The following EPB41L4A variants were observed in gnomAD, a reference collection of about 807,000 sequenced individuals.
EPB41L4A encodes the protein band 4.1-like protein 4A.
EPB41L4A carries 100 observed loss-of-function variants against 108.6 expected under a neutral mutation model. That is an observed-to-expected ratio of 0.92 (90% CI 0.78 to 1.09). The LOEUF (loss-of-function observed/expected upper bound fraction) is 1.09. Among genes scored for constraint, EPB41L4A ranks in the 50% least tolerant of loss-of-function variants. The pLI is 0.00. For missense variants in EPB41L4A, 1,030 were observed against 842.7 expected (o/e 1.22, Z -2.75); for synonymous variants, 319 against 289.0 (o/e 1.10, Z -1.05).
At chr5:112,277,950 A>T (rs537083342) in intron 3 of EPB41L4A, among the ~76,000 whole-genome samples, 1 of 152,362 alleles carries the variant, frequency 6.6e-6, no homozygotes, top group African/African-American at 2.4e-5. Flanking sequence ...GTTTCACTTT[A>T]GCAAAAAATA....
At chr5:112,183,656 G>A (rs1560056) in intron 18 of EPB41L4A, among the ~76,000 whole-genome samples, 2,147 of 152,258 alleles carry the variant, frequency 0.014, 48 homozygotes, top group African/African-American at 0.049. Context: ...TCTGGAACAA[G>A]ACTTCAGAGA....
intron 2 of EPB41L4A, among the ~76,000 whole-genome samples, chr5:112,301,123 T>C (rs1754327040): frequency 6.6e-6 from 1 of 152,156 alleles, no homozygotes; most frequent in Admixed American, 6.6e-5. Context: ...GGTTTAATAA[T>C]CAATCTTCTA....
At chr5:112,144,439 C>G (rs1378481535) in intron 13 of EPB41L4A, among the ~76,000 whole-genome samples, 1 of 152,138 alleles carries the variant, frequency 6.6e-6, no homozygotes, top group Non-Finnish European at 1.5e-5. Context: ...GTGTGTGCCA[C>G]CACACTCAGC....
intron 12 of EPB41L4A, among the ~76,000 whole-genome samples, chr5:112,152,020 C>T (rs913299358): frequency 6.6e-6 from 1 of 152,198 alleles, no homozygotes; most frequent in Admixed American, 6.5e-5. Context: ...GCGTGAGCCA[C>T]CATTCCCAGC....
At position 112,169,093 on chromosome 5, in the gene EPB41L4A, G is replaced by A; in HGVS notation, c.1752C>T (p.Asp584=). 1 of 1,613,338 alleles carries A rather than the reference G, an allele frequency of 6.2e-7. No individual in the cohort carries two copies. The highest frequency in any genetic ancestry group is 8.5e-7 in the Non-Finnish European group (1 of 1,179,304). The change falls in exon 21 of 23, where the codon GAC becomes GAT. Residue 584 remains aspartate, a synonymous_variant. Coordinates refer to ENST00000261486, the MANE Select transcript of EPB41L4A (RefSeq NM_022140.5). ...AATGAGAATGCCTGATGCGGATTGG[G>A]TCACCTTGTGTCCTGAACAAGCAAC... ...IPYTKIETQG[D]PIRIRHSHSP...
At chr5:112,419,342 C>T, upstream of EPB41L4A, 2 of 332,122 alleles carry the variant, frequency 6.0e-6, no homozygotes, top group Non-Finnish European at 1.1e-5. Context: ...AAGGCGGGGG[C>T]GCGGGGCCCC....
intron 11 of EPB41L4A, among the ~76,000 whole-genome samples, chr5:112,237,148 G>A (rs1749399808): frequency 6.6e-6 from 1 of 152,156 alleles, no homozygotes; most frequent in African/African-American, 2.4e-5. Flanking sequence ...TTTGTAAGGG[G>A]CTCAGAGAAG....
intron 12 of EPB41L4A, among the ~76,000 whole-genome samples, chr5:112,156,738 A>AGATTGCATT (rs1759661299): frequency 6.6e-6 from 1 of 152,200 alleles, no homozygotes; most frequent in South Asian, 2.1e-4. Context: ...TCAGTTGATC[A>AGATTGCATT]CAGATCCAAT....
chr5:112,367,824 T>C (rs1031095887), intron 1 of EPB41L4A, among the ~76,000 whole-genome samples: 1 of 152,210 alleles, frequency 6.6e-6, no homozygotes, highest in Non-Finnish European at 1.5e-5. Flanking sequence ...CCTCAGTACC[T>C]GGCTGAACAA....
At chr5:112,304,553 T>C (rs1252734745) in intron 2 of EPB41L4A, among the ~76,000 whole-genome samples, 1 of 152,208 alleles carries the variant, frequency 6.6e-6, no homozygotes, top group African/African-American at 2.4e-5. Context: ...CACATTTATA[T>C]TTATTACTGC....
At chr5:112,294,713 A>C (rs1005784854) in intron 2 of EPB41L4A, among the ~76,000 whole-genome samples, 1 of 151,980 alleles carries the variant, frequency 6.6e-6, no homozygotes, top group African/African-American at 2.4e-5. Flanking sequence ...GGTACAGCTA[A>C]GGAGCTGCAG....
intron 17 of EPB41L4A, among the ~76,000 whole-genome samples, chr5:112,191,622 C>T (rs982673778): frequency 2.7e-5 from 4 of 150,448 alleles, no homozygotes; most frequent in African/African-American, 7.4e-5. Context: ...AAAAAGAAAA[C>T]AATATTTCCA....
At chr5:112,228,423 C>T (rs1256596349) in intron 12 of EPB41L4A, 2 of 152,292 alleles carry the variant, frequency 1.3e-5, no homozygotes, top group Non-Finnish European at 2.9e-5. Flanking sequence ...ACCCCTTATG[C>T]ACTCTGTTTG....
At chr5:112,178,232 G>T (rs565059765) in intron 18 of EPB41L4A, among the ~76,000 whole-genome samples, 1 of 152,158 alleles carries the variant, frequency 6.6e-6, no homozygotes, top group African/African-American at 2.4e-5. Flanking sequence ...CCAGAATAAA[G>T]GGTCATCAGT....
intron 9 of EPB41L4A, among the ~76,000 whole-genome samples, chr5:112,241,092 T>A (rs1749754572): frequency 6.6e-6 from 1 of 152,084 alleles, no homozygotes; most frequent in Admixed American, 6.6e-5. Context: ...AGTGAAATAC[T>A]ACAAAATCTC....
chr5:112,418,902 TGCC>T, intron 1 of EPB41L4A, 36 bp downstream of exon 1: 2 of 1,547,404 alleles, frequency 1.3e-6, no homozygotes, highest in Non-Finnish European at 1.8e-6. Context: ...GCACCCGCCC[TGCC>T]GCCAACCCCC....
chr5:112,308,052 A>G (rs1754807288), intron 1 of EPB41L4A, among the ~76,000 whole-genome samples: 3 of 152,214 alleles, frequency 2.0e-5, no homozygotes, highest in Non-Finnish European at 4.4e-5. Context: ...ACATAAGCAC[A>G]GACACAAAAC....
chr5:112,298,761 G>T (rs547741926), intron 2 of EPB41L4A, among the ~76,000 whole-genome samples: 4 of 152,228 alleles, frequency 2.6e-5, no homozygotes, highest in Admixed American at 1.3e-4. Context: ...AATTCAACTT[G>T]AATCCATCTG....
intron 12 of EPB41L4A, among the ~76,000 whole-genome samples, chr5:112,233,431 G>C (rs982693123): frequency 6.6e-6 from 1 of 152,168 alleles, no homozygotes; most frequent in African/African-American, 2.4e-5. Context: ...ATACATGTAT[G>C]TATATGTCCA....
Sources: gnomAD v4.1 joint callset for allele counts (sites outside exome capture counted in the v4.1 genomes callset) on GRCh38, gnomAD v4.1.1 for gene constraint, MANE v1.5 for transcripts, NCBI Gene and HGNC (gene_info 2026-07-23, HGNC 2026-07-21) for gene names.